ADD3: variants seen among roughly 807,000 people sequenced by gnomAD.
ADD3 encodes adducin 3.
ADD3 carries 25 observed loss-of-function variants against 80.2 expected under a neutral mutation model. The observed-to-expected ratio is 0.31, with a 90% CI of 0.23 to 0.44. The LOEUF is 0.44. ADD3 is among the 20% of genes least tolerant of loss of function. ADD3 has a pLI of 1.00. For synonymous variants in ADD3, 284 were observed against 289.6 expected (o/e 0.98, Z 0.20); for missense variants, 829 against 847.5 (o/e 0.98, Z 0.27).
intron 13 of ADD3, 27 bp from the exon 14 acceptor site, chr10:110,132,278 G>A (rs150329021): frequency 5.3e-4 from 815 of 1,545,404 alleles, no homozygotes; most frequent in Admixed American, 1.5e-3. Flanking sequence ...GTTTTGCATG[G>A]CTTTTAACTA....
chr10:110,044,424 A>G (rs1252200600), intron 1 of ADD3, among the ~76,000 whole-genome samples: 2 of 152,128 alleles, frequency 1.3e-5, no homozygotes, highest in Non-Finnish European at 2.9e-5. Flanking sequence ...GATGCTTATC[A>G]TATGATTTTT....
At chr10:110,079,818 G>A (rs1422282723) in intron 1 of ADD3, among the ~76,000 whole-genome samples, 1 of 152,160 alleles carries the variant, frequency 6.6e-6, no homozygotes, top group African/African-American at 2.4e-5. Context: ...TGGGATTGCA[G>A]GCGTGAGCCA....
chr10:110,098,620 T>C (rs1229328097), intron 1 of ADD3, among the ~76,000 whole-genome samples: 3 of 152,168 alleles, frequency 2.0e-5, no homozygotes, highest in Non-Finnish European at 4.4e-5. Context: ...GTGAACTATT[T>C]TCATGAATAC....
At chr10:110,102,782 T>C (rs1848973811) in intron 2 of ADD3, among the ~76,000 whole-genome samples, 1 of 152,154 alleles carries the variant, frequency 6.6e-6, no homozygotes, top group Admixed American at 6.5e-5. Flanking sequence ...ATGAAAAAAA[T>C]TACTAAACTC....
intron 4 of ADD3, 68 bp downstream of exon 4, chr10:110,116,478 C>A: frequency 6.6e-7 from 1 of 1,511,408 alleles, no homozygotes; most frequent in Non-Finnish European, 9.0e-7. Context: ...ACTCTTCTTA[C>A]CTTTACCTGG....
chr10:110,109,428 T>C (rs1201980152), intron 2 of ADD3, among the ~76,000 whole-genome samples: 2 of 152,222 alleles, frequency 1.3e-5, no homozygotes, highest in African/African-American at 2.4e-5. Flanking sequence ...TTATTTTTCT[T>C]ACCTATATTT....
intron 2 of ADD3, among the ~76,000 whole-genome samples, chr10:110,110,652 C>T (rs1246484475): frequency 6.6e-6 from 1 of 151,990 alleles, no homozygotes; most frequent in Non-Finnish European, 1.5e-5. Flanking sequence ...ACCTCATACC[C>T]TTAGAACCAT....
chr10:110,131,634 C>G (rs1853011486), intron 13 of ADD3, among the ~76,000 whole-genome samples: 1 of 152,162 alleles, frequency 6.6e-6, no homozygotes, highest in Non-Finnish European at 1.5e-5. Context: ...GGGAGTTGTC[C>G]TGATTCATTA....
intron 1 of ADD3, among the ~76,000 whole-genome samples, chr10:110,097,603 A>C (rs1338526575): frequency 1.3e-5 from 2 of 152,160 alleles, no homozygotes; most frequent in Non-Finnish European, 2.9e-5. Context: ...TGATGTAAAT[A>C]CTATTATCAA....
intron 1 of ADD3, among the ~76,000 whole-genome samples, chr10:110,057,318 C>A (rs1858322750): frequency 6.6e-6 from 1 of 152,124 alleles, no homozygotes; most frequent in Non-Finnish European, 1.5e-5. Flanking sequence ...CTTAAAGATG[C>A]AGGAAAACAG....
chr10:110,048,128 A>G (rs1430446681), intron 1 of ADD3, among the ~76,000 whole-genome samples: 1 of 152,108 alleles, frequency 6.6e-6, no homozygotes, highest in East Asian at 1.9e-4. Context: ...ACGAGATGTG[A>G]TGATTTTATA....
intron 1 of ADD3, among the ~76,000 whole-genome samples, chr10:110,025,946 A>G (rs1268562267): frequency 1.3e-5 from 2 of 152,096 alleles, no homozygotes; most frequent in African/African-American, 4.8e-5. Context: ...AATTTCATCG[A>G]ATTTGGGAAA....
intron 1 of ADD3, among the ~76,000 whole-genome samples, chr10:110,052,156 AT>A (rs202222587): frequency 0.011 from 1,618 of 152,270 alleles, 13 homozygotes; most frequent in Non-Finnish European, 0.017. Flanking sequence ...TTATAAGTGA[AT>A]TGAAAAAAAA....
chr10:110,113,371 G>A (rs1453230043), intron 3 of ADD3, among the ~76,000 whole-genome samples: 10 of 152,094 alleles, frequency 6.6e-5, no homozygotes, highest in African/African-American at 1.2e-4. Flanking sequence ...AGGTTCAAGC[G>A]ATTCTCCTGC....
intron 5 of ADD3, among the ~76,000 whole-genome samples, 166 bp from the exon 6 acceptor site, chr10:110,118,421 T>C (rs1363633746): frequency 6.6e-6 from 1 of 152,246 alleles, no homozygotes; most frequent in Non-Finnish European, 1.5e-5. Flanking sequence ...TGGCTGCTTT[T>C]GTACTGCAGC....
At chr10:110,008,677 G>C (rs1218611804) in intron 1 of ADD3, among the ~76,000 whole-genome samples, 4 of 152,198 alleles carry the variant, frequency 2.6e-5, no homozygotes, top group Non-Finnish European at 1.5e-5. Flanking sequence ...GGGACCTTAA[G>C]CCCTGAAGGT....
rs1216880806 is a variant in ADD3, at chr10:110,008,056, G to A, written c.-273G>A. On this transcript the variant is annotated 5_prime_UTR_variant, in exon 1 of 15. Transcript: ENST00000356080. ...AGGGAAAGAAGAGGGGTTTAAATTA[G>A]ATTTTTTAAAACACAGAGCAAGCGC... The A allele has an allele frequency of 6.6e-6, 1 of 152,190 alleles. No individual in the cohort carries two copies. Among genetic ancestry groups the A allele is most frequent in the Non-Finnish European group, 1.5e-5 (1 of 68,060 alleles). 9.4% of individuals were successfully genotyped at this position (152,190 alleles called of 1,614,324 possible). A position where few individuals can be genotyped will look rare whatever the true frequency, so the allele number is the denominator to read the frequency against.
chr10:110,066,032 T>C (rs1434844135), intron 1 of ADD3, among the ~76,000 whole-genome samples: 1 of 152,130 alleles, frequency 6.6e-6, no homozygotes, highest in Non-Finnish European at 1.5e-5. Context: ...ATGCTTCTAA[T>C]TTTATCTTTA....
chr10:110,033,736 G>A (rs1206460711), intron 1 of ADD3, among the ~76,000 whole-genome samples: 1 of 152,138 alleles, frequency 6.6e-6, no homozygotes, highest in Non-Finnish European at 1.5e-5. Context: ...GTGCATTCTT[G>A]TAAATAATAA....
Sources: gnomAD v4.1 joint callset for allele counts (sites outside exome capture counted in the v4.1 genomes callset) on GRCh38, gnomAD v4.1.1 for gene constraint, MANE v1.5 for transcripts, NCBI Gene and HGNC (gene_info 2026-07-23, HGNC 2026-07-21) for gene names.